Variants in B3GALT1 observed in about 807,000 individuals in gnomAD.
B3GALT1 encodes beta-1,3-galactosyltransferase 1, also known as UDP-Gal:betaGlcNAc beta 1,3-galactosyltransferase, polypeptide 1.
In B3GALT1, 10 loss-of-function variants were observed where a neutral mutation model predicts 23.2. The observed-to-expected ratio is 0.43, with a 90% confidence interval of 0.27 to 0.73. B3GALT1 has a LOEUF of 0.73. Ranked by LOEUF, B3GALT1 falls within the 30% of genes least tolerant of loss-of-function variation. The pLI is 0.21. For synonymous variants in B3GALT1, 156 were observed against 141.5 expected, an observed-to-expected ratio of 1.10 and a Z score of -0.73; for missense variants, 299 against 405.4, an observed-to-expected ratio of 0.74 and a Z score of 2.25.
At chr2:167,366,236 C>A (rs1697582305) in intron 1 of B3GALT1, among the ~76,000 whole-genome samples, 1 of 151,928 alleles carries the variant, frequency 6.6e-6, no homozygotes, top group Non-Finnish European at 1.5e-5. Context: ...TATAGAAAAT[C>A]AAGTATATTG....
chr2:167,815,210 C>G (rs998476547), intron 3 of B3GALT1: 3 of 152,214 alleles, frequency 2.0e-5, no homozygotes, highest in African/African-American at 7.2e-5. Flanking sequence ...GTGAGAATCT[C>G]AGAGTCCCAA....
intron 3 of B3GALT1, among the ~76,000 whole-genome samples, chr2:167,702,785 G>A (rs1044578734): frequency 2.0e-5 from 3 of 152,024 alleles, no homozygotes; most frequent in Admixed American, 6.6e-5. Flanking sequence ...CAAAAATAAG[G>A]GATTCTTTCT....
At chr2:167,556,294 G>T (rs903516031) in intron 2 of B3GALT1, among the ~76,000 whole-genome samples, 1 of 152,074 alleles carries the variant, frequency 6.6e-6, no homozygotes, top group Non-Finnish European at 1.5e-5. Context: ...GAGCGCAAAT[G>T]AGGCATTGGA....
intron 4 of B3GALT1, among the ~76,000 whole-genome samples, chr2:167,861,239 T>G (rs1690093244): frequency 6.6e-6 from 1 of 152,338 alleles, no homozygotes; most frequent in East Asian, 1.9e-4. Flanking sequence ...TAAGTTAGGC[T>G]TGGCTAATCT....
At chr2:167,775,192 T>G (rs1348047135) in intron 3 of B3GALT1, among the ~76,000 whole-genome samples, 1 of 152,192 alleles carries the variant, frequency 6.6e-6, no homozygotes, top group African/African-American at 2.4e-5. Context: ...TTAAGCTAGC[T>G]AAATGTTCAC....
Position 167,445,621 on chromosome 2 carries a change from G to A in B3GALT1, c.-510-44556G>A, listed in dbSNP as rs182021463. On this transcript the variant is annotated intron_variant, in intron 1 of 4. Transcript: ENST00000392690. Reference sequence around the variant, plus strand: ...ATTGATCCCTTTACCATTATGTAATGACCTTTGTGTTTCTTGAATTTTGTT... The same window carrying A: ...ATTGATCCCTTTACCATTATGTAATAACCTTTGTGTTTCTTGAATTTTGTT... 2.0e-5 allele frequency among the ~76,000 whole-genome samples: 3 copies of A among 152,124 alleles called. No individual in the cohort carries two copies. The East Asian group carries it at 5.8e-4, about 29-fold the overall frequency.
rs140344966 is a variant in B3GALT1 at position 167,368,891 on chromosome 2, TC to T, written c.-511+75566del. On this transcript the variant is annotated intron_variant, in intron 1 of 4. Transcript: ENST00000392690. Reference sequence around the variant, plus strand: ...ATATATCCATTAGGTATTGCATGCTTCCCCCCCCCATGTGAGTATTCCTAAG... The same window carrying T: ...ATATATCCATTAGGTATTGCATGCTTCCCCCCCCATGTGAGTATTCCTAAG... Among the ~76,000 whole-genome samples, 251 of 150,438 alleles carry T rather than the reference TC, an allele frequency of 1.7e-3. 1 individual carries two copies. Among genetic ancestry groups the T allele is most frequent in the South Asian group, 0.011 (53 of 4,710 alleles).
intron 2 of B3GALT1, among the ~76,000 whole-genome samples, chr2:167,501,928 C>G (rs1482901017): frequency 6.6e-6 from 1 of 152,112 alleles, no homozygotes; most frequent in Non-Finnish European, 1.5e-5. Flanking sequence ...CTGTTTTACA[C>G]TCTTTAAAGT....
intron 2 of B3GALT1, among the ~76,000 whole-genome samples, chr2:167,567,615 A>G (rs1010156186): frequency 3.3e-5 from 5 of 152,094 alleles, no homozygotes; most frequent in African/African-American, 1.2e-4. Context: ...CCAAAATTGA[A>G]AGGAAGGTAC....
chr2:167,549,231 C>T (rs756051112), intron 2 of B3GALT1, among the ~76,000 whole-genome samples: 2 of 152,158 alleles, frequency 1.3e-5, no homozygotes, highest in Non-Finnish European at 2.9e-5. Flanking sequence ...GGGGGGCTCA[C>T]AAACTTAGGC....
chr2:167,402,785 T>C lies in B3GALT1; in HGVS notation c.-510-87392T>C, dbSNP rs2105290080. The stretch of plus-strand genomic sequence containing the variant: ...TTTTGTGAAAAAATGGAAGTTATCA[T>C]GGTGTCAGATTTCTGAAGTTCCTGA... On this transcript the variant is annotated intron_variant, in intron 1 of 4. Transcript: ENST00000392690. Among the ~76,000 whole-genome samples the C allele has an allele frequency of 3.3e-5, 5 of 152,284 alleles. 2 individuals are homozygous for C. In the South Asian group the frequency reaches 1.0e-3, roughly 32 times the overall value.
intron 4 of B3GALT1, among the ~76,000 whole-genome samples, chr2:167,839,853 A>C (rs1689593896): frequency 6.6e-6 from 1 of 152,332 alleles, no homozygotes; most frequent in African/African-American, 2.4e-5. Flanking sequence ...GGAACAGAAC[A>C]GAGCCCTCAG....
chr2:167,865,816 AAAAT>A (rs987604981), intron 4 of B3GALT1, among the ~76,000 whole-genome samples: 1 of 151,940 alleles, frequency 6.6e-6, no homozygotes, highest in African/African-American at 2.4e-5. Context: ...AATAAAAAAT[AAAAT>A]AAATAAATAA....
intron 3 of B3GALT1, among the ~76,000 whole-genome samples, chr2:167,692,847 C>G (rs879902526): frequency 6.6e-6 from 1 of 151,922 alleles, no homozygotes; most frequent in African/African-American, 2.4e-5. Flanking sequence ...GCTATTTTAA[C>G]TCAGTGAATT....
intron 1 of B3GALT1, among the ~76,000 whole-genome samples, chr2:167,320,706 A>G (rs1295208738): frequency 6.6e-6 from 1 of 152,136 alleles, no homozygotes; most frequent in East Asian, 1.9e-4. Flanking sequence ...CAAACTGATT[A>G]TCATTTGGCT....
chr2:167,602,083 T>A (rs918220314), intron 2 of B3GALT1, among the ~76,000 whole-genome samples: 2 of 152,160 alleles, frequency 1.3e-5, no homozygotes, highest in Non-Finnish European at 2.9e-5. Context: ...CTAACCACAA[T>A]TTTTTAAAAC....
chr2:167,345,692 GAC>G (rs1697214578), intron 1 of B3GALT1, among the ~76,000 whole-genome samples: 1 of 152,084 alleles, frequency 6.6e-6, no homozygotes, highest in Admixed American at 6.5e-5. Flanking sequence ...GTGAAAATAA[GAC>G]ACAGTACTCT....
At chr2:167,753,150 C>T (rs1313428828) in intron 3 of B3GALT1, among the ~76,000 whole-genome samples, 1 of 152,146 alleles carries the variant, frequency 6.6e-6, no homozygotes, top group Non-Finnish European at 1.5e-5. Context: ...CAATCATACA[C>T]CTGAGTTTGA....
intron 2 of B3GALT1, chr2:167,558,273 C>A (rs1047655358): frequency 6.6e-6 from 1 of 152,170 alleles, no homozygotes; most frequent in Non-Finnish European, 1.5e-5. Flanking sequence ...ATCAAGTTTA[C>A]AACAGATTCA....
Sources: gnomAD v4.1 joint callset for allele counts (sites outside exome capture counted in the v4.1 genomes callset) on GRCh38, gnomAD v4.1.1 for gene constraint, MANE v1.5 for transcripts, NCBI Gene and HGNC (gene_info 2026-07-23, HGNC 2026-07-21) for gene names.